CNTN4: variants seen among roughly 807,000 people sequenced by gnomAD.
CNTN4 encodes the protein contactin-4.
Under a neutral mutation model 122.5 loss-of-function variants are expected in CNTN4, and 77 were observed. That is an observed-to-expected ratio of 0.63 (90% CI 0.52 to 0.76). The LOEUF (loss-of-function observed/expected upper bound fraction) is 0.76. Among genes scored for constraint, CNTN4 ranks in the 30% least tolerant of loss-of-function variants. The probability of loss-of-function intolerance (pLI) is 0.00; values close to 1 mark genes in which losing one functional copy is unlikely to be tolerated. For synonymous variants in CNTN4, 512 were observed against 447.0 expected (o/e 1.15, Z -1.83); for missense variants, 1,256 against 1,259.1 (o/e 1.00, Z 0.04).
At chr3:2,379,519 T>A (rs2045940949) in intron 3 of CNTN4, among the ~76,000 whole-genome samples, 2 of 152,200 alleles carry the variant, frequency 1.3e-5, no homozygotes, top group African/African-American at 4.8e-5. Flanking sequence ...ACAGGCCTCT[T>A]TTGTCTTTTT....
At chr3:2,532,412 A>G (rs1305276995) in intron 3 of CNTN4, among the ~76,000 whole-genome samples, 1 of 152,048 alleles carries the variant, frequency 6.6e-6, no homozygotes, top group East Asian at 1.9e-4. Context: ...GCACCACCAC[A>G]TCCATCTAAC....
chr3:3,038,826 G>T, intron 18 of CNTN4, 107 bp from the exon 19 acceptor site: 1 of 817,682 alleles, frequency 1.2e-6, no homozygotes, highest in Non-Finnish European at 2.1e-6. Flanking sequence ...ACAAAGGGGC[G>T]TGCCTCAGAG....
intron 2 of CNTN4, among the ~76,000 whole-genome samples, chr3:2,112,623 A>G (rs1342695775): frequency 6.6e-6 from 1 of 152,122 alleles, no homozygotes; most frequent in East Asian, 1.9e-4. Flanking sequence ...ATTGTATGGG[A>G]TTCAAAGAAT....
At chr3:2,691,210 G>T (rs75718088) in intron 4 of CNTN4, among the ~76,000 whole-genome samples, 2 of 152,098 alleles carry the variant, frequency 1.3e-5, no homozygotes, top group Admixed American at 1.3e-4. Flanking sequence ...CCTCAAGAAC[G>T]TCTCAAAATT....
chr3:3,043,274 G>T (rs561728824), intron 22 of CNTN4, 111 bp downstream of exon 22: 4 of 1,060,752 alleles, frequency 3.8e-6, no homozygotes, highest in Admixed American at 2.0e-5. Context: ...GTAGCATGTG[G>T]ATTCAAATTT....
chr3:2,117,395 T>C (rs536100067), intron 2 of CNTN4, among the ~76,000 whole-genome samples: 2 of 152,328 alleles, frequency 1.3e-5, no homozygotes, highest in East Asian at 3.9e-4. Flanking sequence ...CCTTTTGTGT[T>C]AAGCTGTCTG....
At chr3:2,475,124 G>A (rs189414679) in intron 3 of CNTN4, among the ~76,000 whole-genome samples, 12 of 152,264 alleles carry the variant, frequency 7.9e-5, no homozygotes, top group Admixed American at 4.6e-4. Context: ...TGTAGGCATT[G>A]TCATCATTTT....
chr3:2,418,556 C>T (rs1037298509), intron 3 of CNTN4, among the ~76,000 whole-genome samples: 9 of 152,082 alleles, frequency 5.9e-5, no homozygotes. Context: ...TAACATGGTC[C>T]AGTGTCAGCA....
At chr3:2,125,330 C>CTCTGTGTGTGTG (rs138301374) in intron 2 of CNTN4, among the ~76,000 whole-genome samples, 13 of 143,472 alleles carry the variant, frequency 9.1e-5, no homozygotes, top group South Asian at 4.5e-4. Flanking sequence ...ATTCTATTCT[C>CTCTGTGTGTGTG]TGTGTGTGTG....
At chr3:2,932,332 T>G (rs910087461) in intron 13 of CNTN4, among the ~76,000 whole-genome samples, 1 of 152,082 alleles carries the variant, frequency 6.6e-6, no homozygotes, top group African/African-American at 2.4e-5. Context: ...GAGCCGAGAT[T>G]GCACCACTGC....
chr3:2,129,468 A>C (rs759752641), intron 2 of CNTN4, among the ~76,000 whole-genome samples: 1 of 151,238 alleles, frequency 6.6e-6, no homozygotes, highest in Non-Finnish European at 1.5e-5. Context: ...GAAATAATCA[A>C]GTGTTGATGG....
chr3:2,411,215 T>A (rs1441983438), intron 3 of CNTN4, among the ~76,000 whole-genome samples: 2 of 152,100 alleles, frequency 1.3e-5, no homozygotes, highest in Non-Finnish European at 2.9e-5. Context: ...AAATAGCTAA[T>A]GCATGCAGGG....
intron 2 of CNTN4, among the ~76,000 whole-genome samples, chr3:2,107,629 A>G (rs1409559239): frequency 1.3e-5 from 2 of 152,168 alleles, no homozygotes; most frequent in Admixed American, 6.5e-5. Flanking sequence ...GAACCAAACC[A>G]TATCAGCTGG....
At chr3:3,015,035 T>G (rs966126013) in intron 14 of CNTN4, among the ~76,000 whole-genome samples, 6 of 152,124 alleles carry the variant, frequency 3.9e-5, no homozygotes, top group Non-Finnish European at 8.8e-5. Flanking sequence ...ATGATTTGCC[T>G]CTTTCTCTCC....
intron 3 of CNTN4, among the ~76,000 whole-genome samples, chr3:2,503,968 A>G (rs77188991): frequency 0.012 from 1,817 of 152,114 alleles, 12 homozygotes; most frequent in Non-Finnish European, 0.016. Context: ...CTATTTTGAA[A>G]TGGGAGCTCT....
intron 6 of CNTN4, among the ~76,000 whole-genome samples, chr3:2,774,131 C>T (rs924210928): frequency 5.3e-5 from 8 of 151,944 alleles, no homozygotes; most frequent in Non-Finnish European, 7.4e-5. Flanking sequence ...TGCAGTGGCT[C>T]ACACCTGTAG....
chr3:2,820,855 T>G (rs937765394), intron 7 of CNTN4, among the ~76,000 whole-genome samples: 5 of 151,696 alleles, frequency 3.3e-5, no homozygotes, highest in Middle Eastern at 3.4e-3. Context: ...TTGTGGAGAC[T>G]CATAGCAACT....
intron 2 of CNTN4, among the ~76,000 whole-genome samples, chr3:2,190,415 G>A (rs2037475123): frequency 6.6e-6 from 1 of 151,564 alleles, no homozygotes; most frequent in Non-Finnish European, 1.5e-5. Context: ...CACTATACAG[G>A]GAAAATAAAA....
chr3:2,523,496 A>G (rs915356234), intron 3 of CNTN4, among the ~76,000 whole-genome samples: 13 of 151,896 alleles, frequency 8.6e-5, no homozygotes, highest in East Asian at 1.9e-4. Flanking sequence ...AAGTTGCTTT[A>G]TTGTGACATG....
Sources: gnomAD v4.1 joint callset for allele counts (sites outside exome capture counted in the v4.1 genomes callset) on GRCh38, gnomAD v4.1.1 for gene constraint, MANE v1.5 for transcripts, NCBI Gene and HGNC (gene_info 2026-07-23, HGNC 2026-07-21) for gene names.